SVEP1: variants seen among roughly 807,000 people sequenced by gnomAD.
SVEP1 encodes the protein sushi, von Willebrand factor type A, EGF and pentraxin domain-containing protein 1.
SVEP1 carries 164 observed loss-of-function variants against 367.3 expected under a neutral mutation model. The observed-to-expected ratio is 0.45, with a 90% CI of 0.39 to 0.51. The LOEUF is 0.51. SVEP1 is among the 20% of genes least tolerant of loss of function. The pLI, the probability that SVEP1 is intolerant of heterozygous loss-of-function variation, is 0.00. For synonymous variants in SVEP1, 1,666 were observed against 1,611.6 expected (o/e 1.03, Z -0.81); for missense variants, 4,117 against 4,425.3 (o/e 0.93, Z 1.98).
intron 9 of SVEP1, among the ~76,000 whole-genome samples, chr9:110,485,398 CAG>C (rs1829260829): frequency 6.6e-6 from 1 of 152,020 alleles, no homozygotes; most frequent in Non-Finnish European, 1.5e-5. Context: ...CACATGGAAA[CAG>C]GGAGGGGAAC....
At chr9:110,521,990 A>T (rs10759437) in intron 3 of SVEP1, among the ~76,000 whole-genome samples, 105,694 of 151,766 alleles carry the variant, frequency 0.7, 37,088 homozygotes, top group Admixed American at 0.77. Flanking sequence ...TCCATTTTTT[A>T]AAAATTTTCT....
rs71371665 is a variant in SVEP1, at chr9:110,403,296, GTTT to G, written c.9666+1028_9666+1030del. Among the ~76,000 whole-genome samples the G allele has an allele frequency of 6.9e-4, 30 of 43,454 alleles. No homozygotes were observed. The East Asian group carries it at 0.012, about 17-fold the overall frequency. 28.5% of individuals were successfully genotyped at this position (43,454 alleles called of 152,430 possible). ...TGATGATTCCTTCCCCGCCACCGCC[GTTT>G]TTTTTTTTTTTTTTTTTTTTTTTTG... On this transcript the variant is annotated intron_variant, in intron 39 of 47. Coordinates refer to ENST00000374469, the MANE Select transcript of SVEP1 (RefSeq NM_153366.4).
intron 17 of SVEP1, among the ~76,000 whole-genome samples, chr9:110,466,651 C>T (rs1427781036): frequency 6.9e-6 from 1 of 145,340 alleles, no homozygotes; most frequent in African/African-American, 2.6e-5. Context: ...GTCCCAGCTA[C>T]TTGGGAGGCT....
intron 9 of SVEP1, among the ~76,000 whole-genome samples, chr9:110,487,577 T>A (rs1384468674): frequency 6.6e-6 from 1 of 152,240 alleles, no homozygotes. Flanking sequence ...ACCAGTTTAA[T>A]ATATGTTAGT....
At chr9:110,494,337 C>T (rs879571700) in intron 8 of SVEP1, among the ~76,000 whole-genome samples, 8 of 152,048 alleles carry the variant, frequency 5.3e-5, no homozygotes, top group Non-Finnish European at 8.8e-5. Context: ...TCCTCTGAGC[C>T]GCAAGAGGAA....
At chr9:110,400,381 T>TC (rs398113796) in intron 40 of SVEP1, among the ~76,000 whole-genome samples, 1 of 151,802 alleles carries the variant, frequency 6.6e-6, no homozygotes. Flanking sequence ...TTTTTTTTTT[T>TC]CTTTGAGATG....
At chr9:110,549,243 A>G in intron 2 of SVEP1, among the ~76,000 whole-genome samples, 1 of 152,204 alleles carries the variant, frequency 6.6e-6, no homozygotes, top group South Asian at 2.1e-4. Context: ...ATTATAATGT[A>G]TAATTATGAT....
chr9:110,513,089 G>A lies in SVEP1; in HGVS notation c.1140C>T (p.Ala380=). 1.2e-6 allele frequency: 2 copies of A among 1,613,264 alleles called. No individual in the cohort carries two copies. Among genetic ancestry groups the A allele is most frequent in the South Asian group, 1.1e-5 (1 of 91,038 alleles). ...AGTAACCATTTTCGGGAGGCTTCAG[G>A]GCAGGGCAGTGGACAACTAACATTT... ...GQTCELVHCP[A]LKPPENGYFI... The change falls in exon 5 of 48, where the codon GCC becomes GCT. Residue 380 remains alanine, a synonymous_variant. Coordinates refer to ENST00000374469, the MANE Select transcript of SVEP1 (RefSeq NM_153366.4).
intron 9 of SVEP1, among the ~76,000 whole-genome samples, chr9:110,486,551 TTCTG>T (rs1359716480): frequency 1.3e-4 from 20 of 151,214 alleles, no homozygotes; most frequent in African/African-American, 4.6e-4. Context: ...CTCTGTCCCT[TTCTG>T]TCTGTCTCTC....
intron 24 of SVEP1, among the ~76,000 whole-genome samples, chr9:110,448,917 TG>T (rs1473456634): frequency 7.2e-5 from 11 of 152,158 alleles, no homozygotes; most frequent in African/African-American, 2.7e-4. Flanking sequence ...TGGCTGTTTG[TG>T]GGAGGATGGT....
At position 110,383,574 on chromosome 9, in the gene SVEP1, A is replaced by G. The variant is rs138164724; in HGVS notation, c.10237+2324T>C. On this transcript the variant is annotated intron_variant, in intron 43 of 47. Coordinates refer to ENST00000374469, the MANE Select transcript of SVEP1 (RefSeq NM_153366.4). ...CCCTGTTGTGGGGGGGTCTCATCCC[A>G]ATCAGGAGGCATGGGATCAGGGACT... 9.3e-5 allele frequency among the ~76,000 whole-genome samples: 14 copies of G among 150,746 alleles called. No individual in the cohort carries two copies. In the East Asian group the frequency reaches 2.7e-3, roughly 29 times the overall value.
intron 11 of SVEP1, among the ~76,000 whole-genome samples, chr9:110,481,698 A>AGTTATT (rs1173274361): frequency 6.9e-6 from 1 of 145,338 alleles, no homozygotes; most frequent in Non-Finnish European, 1.5e-5. Flanking sequence ...TCTGACTTGG[A>AGTTATT]GTTATTATTA....
In SVEP1 at chr9:110,514,113, G is replaced by A. The variant is rs1384952945; in HGVS notation, c.965-7C>T. ...TATGTCCCCGATGGGCAAGCTGTGGGCAGACAAGCCGGAGAAGTCCATGTT... is the reference window on the plus strand; with the variant it reads ...TATGTCCCCGATGGGCAAGCTGTGGACAGACAAGCCGGAGAAGTCCATGTT... On this transcript the variant is annotated splice_region_variant and splice_polypyrimidine_tract_variant and intron_variant, in intron 3 of 47. Coordinates refer to ENST00000374469, the MANE Select transcript of SVEP1 (RefSeq NM_153366.4). 1.9e-6 allele frequency: 3 copies of A among 1,606,634 alleles called. No homozygotes were observed. The highest frequency in any genetic ancestry group is 2.6e-6 in the Non-Finnish European group (3 of 1,176,236).
intron 36 of SVEP1, among the ~76,000 whole-genome samples, chr9:110,423,147 TAAAA>T (rs1231531948): frequency 1.1e-4 from 5 of 46,298 alleles, no homozygotes; most frequent in African/African-American, 4.2e-4. Context: ...AAAAAAAAAA[TAAAA>T]AAATAAAAAA....
intron 29 of SVEP1, 135 bp downstream of exon 29, chr9:110,435,106 A>T: frequency 1.1e-6 from 1 of 944,530 alleles, no homozygotes; most frequent in Non-Finnish European, 1.4e-6. Context: ...GGTAAATATG[A>T]ATTACTAGTT....
chr9:110,565,014 C>A (rs950187822), intron 1 of SVEP1, among the ~76,000 whole-genome samples: 35 of 152,212 alleles, frequency 2.3e-4, no homozygotes, highest in African/African-American at 7.9e-4. Flanking sequence ...TTATTACCTA[C>A]CATACTTGAA....
chr9:110,458,122 G>C (rs996607734), intron 20 of SVEP1: 2 of 505,600 alleles, frequency 4.0e-6, no homozygotes, highest in Non-Finnish European at 7.6e-6. Context: ...AACTCTGCCT[G>C]CCAATTAGAA....
intron 36 of SVEP1, among the ~76,000 whole-genome samples, chr9:110,423,384 G>GA (rs1355697153): frequency 3.3e-5 from 5 of 151,858 alleles, no homozygotes; most frequent in African/African-American, 1.2e-4. Flanking sequence ...AAATAGTGGT[G>GA]AAAAAATTAA....
At chr9:110,545,608 C>T (rs967219611) in intron 3 of SVEP1, among the ~76,000 whole-genome samples, 3 of 152,104 alleles carry the variant, frequency 2.0e-5, no homozygotes, top group African/African-American at 7.2e-5. Flanking sequence ...GACAAGAATT[C>T]CACTGGCTTC....
Sources: allele counts gnomAD v4.1 joint callset (sites outside exome capture counted in the v4.1 genomes callset), GRCh38; gene constraint gnomAD v4.1.1; transcripts MANE v1.5; gene names NCBI Gene and HGNC (gene_info 2026-07-23, HGNC 2026-07-21).